Variants in MECOM observed in about 807,000 individuals in gnomAD.
MECOM encodes the protein MDS1 and EVI1 complex locus.
A neutral mutation model predicts 116.3 loss-of-function variants in MECOM; 13 were observed. The ratio of observed to expected loss-of-function variants is 0.11; its 90% CI spans 0.07 to 0.18. The LOEUF is 0.18. Ranked by LOEUF, MECOM falls within the 10% of genes least tolerant of loss-of-function variation. The pLI, the probability that MECOM is intolerant of heterozygous loss-of-function variation, is 1.00. For missense variants in MECOM, 1,299 were observed against 1,509.0 expected (o/e 0.86, Z 2.31); for synonymous variants, 528 against 535.2 (o/e 0.99, Z 0.19).
intron 1 of MECOM, among the ~76,000 whole-genome samples, chr3:169,475,956 T>TA (rs1296319247): frequency 6.6e-6 from 1 of 152,214 alleles, no homozygotes; most frequent in Admixed American, 6.5e-5. Flanking sequence ...AGCACAGAGA[T>TA]ATTTGCTCTA....
intron 1 of MECOM, among the ~76,000 whole-genome samples, chr3:169,393,611 G>A (rs1428653846): frequency 9.9e-5 from 15 of 152,022 alleles, no homozygotes; most frequent in Admixed American, 9.8e-4. Context: ...ATATCAACAT[G>A]ATATAAAACA....
intron 1 of MECOM, among the ~76,000 whole-genome samples, chr3:169,451,065 A>AT (rs371105684): frequency 2.6e-5 from 4 of 152,110 alleles, no homozygotes; most frequent in Admixed American, 6.6e-5. Context: ...GCTAAAGGAC[A>AT]TTTTTTTAAT....
chr3:169,100,371 T>A (rs979259928), intron 12 of MECOM, among the ~76,000 whole-genome samples: 1 of 152,182 alleles, frequency 6.6e-6, no homozygotes, highest in African/African-American at 2.4e-5. Flanking sequence ...AGTGTCGGGA[T>A]TACAAGCGTC....
intron 1 of MECOM, among the ~76,000 whole-genome samples, chr3:169,549,156 T>G (rs906291419): frequency 9.9e-5 from 15 of 152,122 alleles, no homozygotes; most frequent in African/African-American, 3.4e-4. Flanking sequence ...GTATTTTTAG[T>G]AGACAGGGTT....
At chr3:169,465,503 G>C (rs1263058789) in intron 1 of MECOM, among the ~76,000 whole-genome samples, 1 of 152,088 alleles carries the variant, frequency 6.6e-6, no homozygotes, top group Non-Finnish European at 1.5e-5. Flanking sequence ...TTTGGACAAA[G>C]CCAGATAAAT....
At chr3:169,484,977 T>G (rs1407821298) in intron 1 of MECOM, among the ~76,000 whole-genome samples, 2 of 151,592 alleles carry the variant, frequency 1.3e-5, no homozygotes, top group Non-Finnish European at 2.9e-5. Context: ...ATTTCTGATC[T>G]TTACTCTTGC....
intron 1 of MECOM, among the ~76,000 whole-genome samples, chr3:169,584,336 C>A (rs566191379): frequency 1.5e-4 from 23 of 151,618 alleles, no homozygotes; most frequent in South Asian, 2.1e-4. Context: ...GAGGCCGGGG[C>A]GGGCGGATCA....
intron 1 of MECOM, among the ~76,000 whole-genome samples, chr3:169,399,228 C>T (rs1434051369): frequency 3.3e-5 from 5 of 152,062 alleles, no homozygotes; most frequent in African/African-American, 4.8e-5. Context: ...CCAACTTTTA[C>T]GCACATGTAC....
At chr3:169,581,249 T>C (rs998167605) in intron 1 of MECOM, among the ~76,000 whole-genome samples, 2 of 152,192 alleles carry the variant, frequency 1.3e-5, no homozygotes, top group African/African-American at 4.8e-5. Context: ...TTTCTTCTTA[T>C]CTCTGATCTT....
At chr3:169,151,677 C>T (rs931087137) in intron 2 of MECOM, among the ~76,000 whole-genome samples, 5 of 151,938 alleles carry the variant, frequency 3.3e-5, no homozygotes, top group African/African-American at 1.2e-4. Context: ...AAATTAGCTT[C>T]GTGTATAGAT....
rs772942574 is a variant in MECOM at position 169,089,187 on chromosome 3, A to G, written c.3402-4T>C. On this transcript the variant is annotated splice_polypyrimidine_tract_variant and splice_region_variant and intron_variant, in intron 15 of 16. Transcript: ENST00000651503. ...TTTATATTCTTCCTCTTTATACCTA[A>G]AATGAACCAACGAAAAACACAGAAA... The G allele has an allele frequency of 5.4e-6, 8 of 1,491,872 alleles. No individual in the cohort carries two copies. The African/African-American group carries it at 1.2e-4, about 21-fold the overall frequency. 92.4% of individuals were successfully genotyped at this position (1,491,872 alleles called of 1,614,324 possible). A position where few individuals can be genotyped will look rare whatever the true frequency, so the allele number is the denominator to read the frequency against.
At chr3:169,445,498 C>T (rs539947961) in intron 1 of MECOM, among the ~76,000 whole-genome samples, 9 of 152,284 alleles carry the variant, frequency 5.9e-5, no homozygotes, top group Admixed American at 2.6e-4. Context: ...TTTTAGAAGA[C>T]GTATGGAAAT....
intron 1 of MECOM, among the ~76,000 whole-genome samples, chr3:169,572,615 G>C (rs1429979094): frequency 6.6e-6 from 1 of 152,152 alleles, no homozygotes; most frequent in Non-Finnish European, 1.5e-5. Flanking sequence ...TGATAGACTG[G>C]TTAAAGAAAA....
chr3:169,146,956 A>G (rs1740116816), intron 2 of MECOM: 2 of 1,004,150 alleles, frequency 2.0e-6, no homozygotes, highest in Admixed American at 5.4e-5. Context: ...TCTGCTCTCC[A>G]GGACCACGCG....
chr3:169,227,741 T>C (rs559181368), intron 2 of MECOM, among the ~76,000 whole-genome samples: 2 of 152,328 alleles, frequency 1.3e-5, no homozygotes, highest in Admixed American at 1.3e-4. Flanking sequence ...ATAAAATGCT[T>C]GTTTTAAAAA....
intron 1 of MECOM, among the ~76,000 whole-genome samples, chr3:169,422,660 A>G (rs6785614): frequency 0.12 from 17,524 of 152,058 alleles, 1,280 homozygotes; most frequent in East Asian, 0.3. Flanking sequence ...AAATTTTCAA[A>G]AACTCACAAG....
At chr3:169,472,673 G>GAAA (rs1303234832) in intron 1 of MECOM, among the ~76,000 whole-genome samples, 12 of 76,362 alleles carry the variant, frequency 1.6e-4, no homozygotes, top group African/African-American at 5.2e-4. Flanking sequence ...GAAAGGAAAG[G>GAAA]AGAGGAGAGG....
intron 2 of MECOM, among the ~76,000 whole-genome samples, chr3:169,191,364 G>GT (rs1281308277): frequency 6.6e-6 from 1 of 151,830 alleles, no homozygotes; most frequent in African/African-American, 2.4e-5. Context: ...ACCAGGGATG[G>GT]GGGTGAAGGA....
intron 2 of MECOM, among the ~76,000 whole-genome samples, chr3:169,351,397 A>G (rs1393166488): frequency 2.0e-5 from 3 of 151,884 alleles, no homozygotes; most frequent in Non-Finnish European, 4.4e-5. Context: ...AAGGTGATAA[A>G]TCTACACAGT....
Sources: gnomAD v4.1 joint callset for allele counts (sites outside exome capture counted in the v4.1 genomes callset) on GRCh38, gnomAD v4.1.1 for gene constraint, MANE v1.5 for transcripts, NCBI Gene and HGNC (gene_info 2026-07-23, HGNC 2026-07-21) for gene names.